Variants in SLC8A2 observed in about 807,000 individuals in gnomAD.
SLC8A2 encodes the protein solute carrier family 8 member A2.
Under a neutral mutation model 70.2 loss-of-function variants are expected in SLC8A2, and 14 were observed. The ratio of observed to expected loss-of-function variants is 0.20; its 90% CI spans 0.13 to 0.31. The LOEUF (loss-of-function observed/expected upper bound fraction) is 0.31. SLC8A2 is among the 10% of genes least tolerant of loss of function. SLC8A2 has a pLI of 1.00. For missense variants in SLC8A2, 779 were observed against 1,320.1 expected, an observed-to-expected ratio of 0.59 and a Z score of 6.35; for synonymous variants, 575 against 594.3, an observed-to-expected ratio of 0.97 and a Z score of 0.47.
At chr19:47,437,000 TC>T (rs1348693966) in intron 8 of SLC8A2, among the ~76,000 whole-genome samples, 2 of 151,928 alleles carry the variant, frequency 1.3e-5, no homozygotes, top group Non-Finnish European at 2.9e-5. Context: ...CTGGGAACCC[TC>T]CCGGTTCAGC....
chr19:47,457,550 C>G lies in SLC8A2; in HGVS notation c.720G>C (p.Val240=). The stretch of plus-strand genomic sequence containing the variant: ...GCTTGTCGGCCATCCAGGCGAATAC[C>G]ACGCACACCGGGAAGAAGACCAGGG... The part of the protein sequence containing the change: ...LLTLVFFPVC[V]VFAWMADKRL... The change falls in exon 3 of 10, where the codon GTG becomes GTC. Residue 240 remains valine (V), a synonymous_variant. Transcript: ENST00000236877. 6.3e-7 allele frequency: 1 copy of G among 1,595,528 alleles called. No individual in the cohort carries two copies. The highest frequency in any genetic ancestry group is 8.5e-7 in the Non-Finnish European group (1 of 1,171,588).
chr19:47,442,925 C>T (rs537744433), intron 4 of SLC8A2, among the ~76,000 whole-genome samples: 1 of 152,278 alleles, frequency 6.6e-6, no homozygotes, highest in South Asian at 2.1e-4. Context: ...TCAAGTGATC[C>T]TCCCATCTTG....
Position 47,432,093 on chromosome 19 carries a change from T to C in SLC8A2, c.2389+74A>G, listed in dbSNP as rs565171550. 1.4e-6 allele frequency: 2 copies of C among 1,409,008 alleles called. No individual in the cohort carries two copies. The highest frequency in any genetic ancestry group is 1.9e-6 in the Non-Finnish European group (2 of 1,033,638). The allele number at this position is 1,409,008 out of a possible 1,614,324, so 87.3% of individuals were successfully genotyped here. A position where few individuals can be genotyped will look rare whatever the true frequency, so the allele number is the denominator to read the frequency against. Reference sequence around the variant, plus strand: ...CGCTGTGTGACTCCACCCACCTCATTTTGGCAGGATCCTGTGTTGCCCCTG... The same window carrying C: ...CGCTGTGTGACTCCACCCACCTCATCTTGGCAGGATCCTGTGTTGCCCCTG... On this transcript the variant is annotated intron_variant, in intron 9 of 9. Transcript: ENST00000236877. This position sits in a 1 kb window ranked among gnomAD's most constrained non-coding sequence, Gnocchi z 6.2.
At chr19:47,464,532 T>C (rs1472365504) in intron 2 of SLC8A2, among the ~76,000 whole-genome samples, 1 of 152,184 alleles carries the variant, frequency 6.6e-6, no homozygotes, top group Non-Finnish European at 1.5e-5. Flanking sequence ...CCTCTTTCTC[T>C]CTCCCTCTTT....
chr19:47,464,677 G>A (rs545449764), intron 2 of SLC8A2, among the ~76,000 whole-genome samples: 8 of 152,190 alleles, frequency 5.3e-5, no homozygotes, highest in Non-Finnish European at 7.3e-5. Flanking sequence ...TTCCTGGGAA[G>A]AAACTGTAAC....
At chr19:47,444,620 G>A (rs1967137617) in intron 4 of SLC8A2, among the ~76,000 whole-genome samples, 1 of 152,132 alleles carries the variant, frequency 6.6e-6, no homozygotes, top group Admixed American at 6.5e-5. Context: ...ACACACCTCT[G>A]TCGCTCACTC....
chr19:47,439,942 A>G (rs2441048), intron 6 of SLC8A2, among the ~76,000 whole-genome samples: 15,982 of 152,204 alleles, frequency 0.11, 890 homozygotes, highest in Middle Eastern at 0.16. Flanking sequence ...GGGATTACAG[A>G]CATGAGGCAT....
chr19:47,430,813 G>A lies in SLC8A2; in HGVS notation c.2390-348C>T, dbSNP rs977238311. Among the ~76,000 whole-genome samples, 1 of 150,696 alleles carries A rather than the reference G, an allele frequency of 6.6e-6. No homozygotes were observed. The highest frequency in any genetic ancestry group is 2.4e-5 in the African/African-American group (1 of 40,928). On this transcript the variant is annotated intron_variant, in intron 9 of 9. Coordinates refer to ENST00000236877, the MANE Select transcript of SLC8A2 (RefSeq NM_015063.3). This position sits in a 1 kb window ranked among gnomAD's most constrained non-coding sequence, Gnocchi z 5.9. ...GTGATCTCAGCTCACTGCAACTTCC[G>A]CCTCCCAGGTTCAAGCGATTCTCTT...
rs1967253685 is a variant in SLC8A2, at chr19:47,452,441, AGAGAGTGTGTGTGTGTGTGTGTGT to A, written c.1341-4234_1341-4211del. On this transcript the variant is annotated intron_variant, in intron 3 of 9. Coordinates refer to ENST00000236877, the MANE Select transcript of SLC8A2 (RefSeq NM_015063.3). Reference sequence around the variant, plus strand: ...GAGAGAGAGAGAGAGAGAGAGAGAGAGAGAGTGTGTGTGTGTGTGTGTGTGTGTGTGTGTGTGTGTGTGTGTGTG... The same window carrying A: ...GAGAGAGAGAGAGAGAGAGAGAGAGAGTGTGTGTGTGTGTGTGTGTGTGTG... 6.1e-5 allele frequency among the ~76,000 whole-genome samples: 4 copies of A among 65,220 alleles called. No homozygotes were observed. In the East Asian group the frequency reaches 1.8e-3, roughly 29 times the overall value. The allele number at this position is 65,220 out of a possible 152,430, so 42.8% of individuals were successfully genotyped here.
At position 47,467,311 on chromosome 19, in the gene SLC8A2, G is replaced by A. The variant is rs147368408; in HGVS notation, c.-16-892C>T. Among the ~76,000 whole-genome samples the A allele has an allele frequency of 1.0e-3, 154 of 152,344 alleles. 2 individuals are homozygous for A. The highest frequency in any genetic ancestry group is 3.4e-3 in the African/African-American group (143 of 41,568). Reference sequence around the variant, plus strand: ...TGCAAAATTCACTGAGAGGCAGGGAGCAGGAGGCTCTGAGTTTGTTAGGAG... The same window carrying A: ...TGCAAAATTCACTGAGAGGCAGGGAACAGGAGGCTCTGAGTTTGTTAGGAG... On this transcript the variant is annotated intron_variant, in intron 1 of 9. Transcript: ENST00000236877.
At chr19:47,455,465 G>C (rs1397662176) in intron 3 of SLC8A2, among the ~76,000 whole-genome samples, 1 of 152,190 alleles carries the variant, frequency 6.6e-6, no homozygotes, top group Admixed American at 6.5e-5. Flanking sequence ...GAGAATGTCA[G>C]CTCCATTTGG....
intron 8 of SLC8A2, among the ~76,000 whole-genome samples, chr19:47,435,647 C>G (rs953900179): frequency 3.3e-5 from 5 of 150,976 alleles, no homozygotes; most frequent in African/African-American, 1.2e-4. Flanking sequence ...CTCCCAGGTT[C>G]AAGCGATTCT....
intron 2 of SLC8A2, among the ~76,000 whole-genome samples, chr19:47,462,279 T>C (rs1967405125): frequency 1.3e-5 from 2 of 152,236 alleles, no homozygotes; most frequent in Non-Finnish European, 2.9e-5. Context: ...TCTTTCTCTT[T>C]TTGAGACAGA....
At chr19:47,445,489 C>G (rs736533) in intron 4 of SLC8A2, among the ~76,000 whole-genome samples, 82,700 of 151,956 alleles carry the variant, frequency 0.54, 25,922 homozygotes, top group Middle Eastern at 0.68. Context: ...CTGTCTTCAG[C>G]TCTCCCTGTG....
At chr19:47,435,574 A>C (rs1191494458) in intron 8 of SLC8A2, among the ~76,000 whole-genome samples, 1 of 128,232 alleles carries the variant, frequency 7.8e-6, no homozygotes, top group Non-Finnish European at 1.6e-5. Context: ...TTTTAGACGG[A>C]GTTTCGCTTT....
intron 8 of SLC8A2, 146 bp downstream of exon 8, chr19:47,437,316 C>T: frequency 1.6e-6 from 1 of 639,254 alleles, no homozygotes; most frequent in East Asian, 2.8e-5. Context: ...TCCCGCCTCA[C>T]CCTCCCAAAG....
intron 2 of SLC8A2, among the ~76,000 whole-genome samples, chr19:47,462,560 G>A (rs967119489): frequency 4.0e-5 from 6 of 150,754 alleles, no homozygotes; most frequent in East Asian, 3.9e-4. Flanking sequence ...CTTTGCGCCC[G>A]GCCTATGTAT....
intron 3 of SLC8A2, among the ~76,000 whole-genome samples, chr19:47,453,287 G>A (rs765709494): frequency 3.6e-4 from 55 of 152,288 alleles, no homozygotes; most frequent in Middle Eastern, 6.8e-3. Context: ...TAATAGAAAT[G>A]CAAATCTACA....
rs772273729 is a variant in SLC8A2, at chr19:47,465,870, G to A, written c.534C>T (p.Ala178=). The A allele has an allele frequency of 4.4e-5, 71 of 1,614,136 alleles. No individual in the cohort carries two copies. Among genetic ancestry groups the A allele is most frequent in the South Asian group, 7.7e-5 (7 of 91,084 alleles). Reference sequence around the variant, plus strand: ...CGGCTGGGATGACGTAGATGCACACGGCGATGACCACAAACATGTTGAAGG... The same window carrying A: ...CGGCTGGGATGACGTAGATGCACACAGCGATGACCACAAACATGTTGAAGG... ...SAAFNMFVVI[A]VCIYVIPAGE... The change falls in exon 2 of 10, where the codon GCC becomes GCT. Residue 178 remains alanine (A), a synonymous_variant. Transcript: ENST00000236877. This position sits in a 1 kb window ranked among gnomAD's most constrained non-coding sequence, Gnocchi z 5.5.
Sources: gnomAD v4.1 joint callset for allele counts (sites outside exome capture counted in the v4.1 genomes callset) on GRCh38, gnomAD v4.1.1 for gene constraint, Gnocchi (gnomAD v3.1) non-coding constraint, MANE v1.5 for transcripts, NCBI Gene and HGNC (gene_info 2026-07-23, HGNC 2026-07-21) for gene names.